PLCL1: variants seen among roughly 807,000 people sequenced by gnomAD.
PLCL1 encodes the protein inactive phospholipase C-like protein 1.
Under a neutral mutation model 84.4 loss-of-function variants are expected in PLCL1, and 41 were observed. The observed-to-expected ratio is 0.49, with a 90% CI of 0.38 to 0.63. The LOEUF is 0.63. Among genes scored for constraint, PLCL1 ranks in the 30% least tolerant of loss-of-function variants. The pLI is 0.00. For missense variants in PLCL1, 1,206 were observed against 1,367.8 expected, an observed-to-expected ratio of 0.88 and a Z score of 1.87; for synonymous variants, 490 against 488.3, an observed-to-expected ratio of 1.00 and a Z score of -0.05.
At chr2:197,923,500 C>T (rs1255164913) in intron 1 of PLCL1, among the ~76,000 whole-genome samples, 2 of 145,594 alleles carry the variant, frequency 1.4e-5, no homozygotes, top group African/African-American at 2.6e-5. Context: ...CGGGCAGAGG[C>T]GCTCCTCACA....
chr2:197,877,271 C>T (rs1242712189), intron 1 of PLCL1, among the ~76,000 whole-genome samples: 1 of 151,942 alleles, frequency 6.6e-6, no homozygotes, highest in Non-Finnish European at 1.5e-5. Context: ...GATCCTTTCT[C>T]TTTTTTATGA....
At position 197,804,842 on chromosome 2, in the gene PLCL1, C is replaced by A; in HGVS notation, c.-258C>A. The stretch of plus-strand genomic sequence containing the variant: ...CTCTCCTTCTGCCTCCCGCTCACAT[C>A]GCCTCCCCACTCCCGCCACCGTCCC... On this transcript the variant is annotated 5_prime_UTR_variant, in exon 1 of 6. Transcript: ENST00000428675. 1 of 392,472 alleles carries A rather than the reference C, an allele frequency of 2.5e-6. No individual in the cohort carries two copies. The highest frequency in any genetic ancestry group is 4.5e-6 in the Non-Finnish European group (1 of 220,848). The allele number at this position is 392,472 out of a possible 1,614,324, so 24.3% of individuals were successfully genotyped here.
intron 1 of PLCL1, among the ~76,000 whole-genome samples, chr2:198,041,299 T>C (rs1475426909): frequency 1.3e-5 from 2 of 152,260 alleles, no homozygotes; most frequent in African/African-American, 4.8e-5. Flanking sequence ...CCTTTGCCAC[T>C]GAAGTACAAA....
At chr2:197,853,341 A>G (rs1687273812) in intron 1 of PLCL1, among the ~76,000 whole-genome samples, 1 of 152,218 alleles carries the variant, frequency 6.6e-6, no homozygotes, top group Non-Finnish European at 1.5e-5. Context: ...GTGTGCAAAT[A>G]TCTGTTTGAG....
chr2:198,050,242 A>G (rs1574274296), intron 1 of PLCL1, among the ~76,000 whole-genome samples: 1 of 152,148 alleles, frequency 6.6e-6, no homozygotes, highest in African/African-American at 2.4e-5. Flanking sequence ...GTACGTTTTC[A>G]TGGCTGTTTG....
chr2:197,900,306 A>G (rs1688240786), intron 1 of PLCL1, among the ~76,000 whole-genome samples: 1 of 152,214 alleles, frequency 6.6e-6, no homozygotes, highest in Non-Finnish European at 1.5e-5. Flanking sequence ...ATTAAGTAGG[A>G]CAGTAAATTC....
chr2:197,918,822 C>T lies in PLCL1; in HGVS notation c.240+113483C>T, dbSNP rs190321415. On this transcript the variant is annotated intron_variant, in intron 1 of 5. Transcript: ENST00000428675. ...AGGTGAGGTAGCATGCACCTGTAGT[C>T]CCAGCTACTAGGGGAGCCTGAGGTG... Among the ~76,000 whole-genome samples the T allele has an allele frequency of 5.2e-3, 784 of 152,136 alleles. 6 individuals carry two copies. Among genetic ancestry groups the T allele is most frequent in the African/African-American group, 0.018 (752 of 41,498 alleles).
intron 1 of PLCL1, among the ~76,000 whole-genome samples, chr2:197,980,045 C>A (rs891729216): frequency 1.3e-5 from 2 of 152,076 alleles, no homozygotes; most frequent in Non-Finnish European, 2.9e-5. Context: ...GGGAGGGGAC[C>A]AAATTAGAGA....
At chr2:198,018,276 C>G (rs1691047686) in intron 1 of PLCL1, among the ~76,000 whole-genome samples, 1 of 152,154 alleles carries the variant, frequency 6.6e-6, no homozygotes, top group Non-Finnish European at 1.5e-5. Flanking sequence ...CCACAAAGGC[C>G]CTGGGTTTCA....
chr2:197,939,637 G>T (rs886403564), intron 1 of PLCL1, among the ~76,000 whole-genome samples: 4 of 150,746 alleles, frequency 2.7e-5, no homozygotes, highest in African/African-American at 7.3e-5. Flanking sequence ...CCACCCTAAT[G>T]ACCTCTTTTT....
intron 1 of PLCL1, among the ~76,000 whole-genome samples, chr2:197,947,156 A>T (rs1357665640): frequency 1.3e-5 from 2 of 151,790 alleles, no homozygotes; most frequent in Non-Finnish European, 2.9e-5. Flanking sequence ...CAGATAATTT[A>T]AAAAATTAAG....
At chr2:197,896,893 T>G (rs890430630) in intron 1 of PLCL1, among the ~76,000 whole-genome samples, 2 of 149,304 alleles carry the variant, frequency 1.3e-5, no homozygotes, top group African/African-American at 4.9e-5. Flanking sequence ...GATTCTCCAG[T>G]TGTGCTTTTC....
chr2:197,839,827 T>A (rs1397001510), intron 1 of PLCL1, among the ~76,000 whole-genome samples: 1 of 152,198 alleles, frequency 6.6e-6, no homozygotes, highest in Non-Finnish European at 1.5e-5. Context: ...CAAACCCACA[T>A]ATATTATTAT....
At chr2:198,016,982 C>T (rs914470050) in intron 1 of PLCL1, among the ~76,000 whole-genome samples, 1 of 152,014 alleles carries the variant, frequency 6.6e-6, no homozygotes, top group African/African-American at 2.4e-5. Context: ...CTTTTCATGC[C>T]GTGCTTCTGC....
intron 3 of PLCL1, among the ~76,000 whole-genome samples, chr2:198,089,681 A>G (rs1692971072): frequency 6.6e-6 from 1 of 152,188 alleles, no homozygotes; most frequent in Non-Finnish European, 1.5e-5. Context: ...GAGAATGGAA[A>G]ATATCATTTC....
At chr2:197,885,099 A>G (rs1179348548) in intron 1 of PLCL1, among the ~76,000 whole-genome samples, 1 of 152,218 alleles carries the variant, frequency 6.6e-6, no homozygotes, top group Non-Finnish European at 1.5e-5. Context: ...CCCAGTATAT[A>G]CTACCTCAGA....
chr2:198,137,586 G>T (rs1694284862), intron 5 of PLCL1, among the ~76,000 whole-genome samples: 1 of 152,116 alleles, frequency 6.6e-6, no homozygotes, highest in African/African-American at 2.4e-5. Context: ...GAGGATTCTT[G>T]CCTCTCCTCC....
At chr2:197,986,182 A>C (rs2105808790) in intron 1 of PLCL1, among the ~76,000 whole-genome samples, 1 of 152,300 alleles carries the variant, frequency 6.6e-6, no homozygotes, top group East Asian at 1.9e-4. Context: ...CTAAATCTTA[A>C]ATTAAAAGAT....
At chr2:197,982,614 A>T (rs1447725601) in intron 1 of PLCL1, among the ~76,000 whole-genome samples, 1 of 152,232 alleles carries the variant, frequency 6.6e-6, no homozygotes, top group Admixed American at 6.5e-5. Context: ...CATTCTGGAA[A>T]ATAATCAGTT....
Sources: allele counts gnomAD v4.1 joint callset (sites outside exome capture counted in the v4.1 genomes callset), GRCh38; gene constraint gnomAD v4.1.1; transcripts MANE v1.5; gene names NCBI Gene and HGNC (gene_info 2026-07-23, HGNC 2026-07-21).